The following RNF130 variants were observed in gnomAD, a reference collection of about 807,000 sequenced individuals.
RNF130 encodes ring finger protein 130.
A neutral mutation model predicts 44.6 loss-of-function variants in RNF130; 21 were observed. That is an observed-to-expected ratio of 0.47 (90% CI 0.33 to 0.68). The LOEUF (loss-of-function observed/expected upper bound fraction) is 0.68, where lower values mean the gene tolerates loss of function less well. Ranked by LOEUF, RNF130 falls within the 30% of genes least tolerant of loss-of-function variation. The pLI is 0.02. For synonymous variants in RNF130, 214 were observed against 210.4 expected (o/e 1.02, Z -0.15); for missense variants, 479 against 560.6 (o/e 0.85, Z 1.47).
chr5:180,034,895 C>T (rs1764212444), intron 2 of RNF130, among the ~76,000 whole-genome samples: 1 of 152,174 alleles, frequency 6.6e-6, no homozygotes, highest in African/African-American at 2.4e-5. Flanking sequence ...TCTGTAGAGT[C>T]AGTAGTGATG....
intron 2 of RNF130, among the ~76,000 whole-genome samples, chr5:180,032,322 T>C (rs1375630455): frequency 6.6e-6 from 1 of 152,212 alleles, no homozygotes; most frequent in Non-Finnish European, 1.5e-5. Context: ...TTTTGTCTAA[T>C]ATCCAAGTGA....
intron 7 of RNF130, among the ~76,000 whole-genome samples, chr5:179,934,604 T>C (rs1415855254): frequency 6.7e-6 from 1 of 149,896 alleles, no homozygotes; most frequent in East Asian, 2.0e-4. Context: ...TGGAGTACAG[T>C]GGCAAGATCA....
At chr5:180,016,267 T>C (rs542576463) in intron 2 of RNF130, among the ~76,000 whole-genome samples, 1 of 152,190 alleles carries the variant, frequency 6.6e-6, no homozygotes, top group African/African-American at 2.4e-5. Flanking sequence ...TAAAGCCTGA[T>C]AGGGCTCAAA....
At chr5:180,000,456 T>C (rs1034233442) in intron 3 of RNF130, among the ~76,000 whole-genome samples, 2 of 152,190 alleles carry the variant, frequency 1.3e-5, no homozygotes, top group African/African-American at 2.4e-5. Flanking sequence ...ACTTGGGAAG[T>C]TTTCAGATTT....
At chr5:179,934,098 G>A (rs1417263336) in intron 7 of RNF130, 1 of 245,160 alleles carries the variant, frequency 4.1e-6, no homozygotes. Context: ...ACCGGAAGAC[G>A]ACTTTGAAGC....
At chr5:179,945,079 C>T (rs1398333350) in intron 7 of RNF130, among the ~76,000 whole-genome samples, 1 of 152,130 alleles carries the variant, frequency 6.6e-6, no homozygotes, top group Non-Finnish European at 1.5e-5. Flanking sequence ...GAGTTCAAGA[C>T]CAGTTTGGCC....
chr5:180,011,320 A>G lies in RNF130; in HGVS notation c.693+1741T>C, dbSNP rs180900476. On this transcript the variant is annotated intron_variant, in intron 3 of 8. Transcript: ENST00000521389. Reference sequence around the variant, plus strand: ...AACCCAAAAAAGGTCTATCAATCAGATAATGTATTATATCAATGTTAATTT... The same window carrying G: ...AACCCAAAAAAGGTCTATCAATCAGGTAATGTATTATATCAATGTTAATTT... Among the ~76,000 whole-genome samples, 4 of 152,340 alleles carry G rather than the reference A, an allele frequency of 2.6e-5. No homozygotes were observed. In the East Asian group the frequency reaches 7.7e-4, roughly 29 times the overall value.
intron 3 of RNF130, among the ~76,000 whole-genome samples, chr5:179,990,068 C>T (rs1378058646): frequency 6.6e-6 from 1 of 151,848 alleles, no homozygotes; most frequent in African/African-American, 2.4e-5. Context: ...TGTGTGGAGA[C>T]GAGAGATTGC....
intron 8 of RNF130, among the ~76,000 whole-genome samples, chr5:179,961,906 T>C (rs1328757261): frequency 6.6e-6 from 1 of 152,176 alleles, no homozygotes; most frequent in Non-Finnish European, 1.5e-5. Context: ...TGGCTAACAT[T>C]TATTGAGCAC....
intron 8 of RNF130, among the ~76,000 whole-genome samples, chr5:179,958,036 C>A (rs557897664): frequency 1.3e-5 from 2 of 151,924 alleles, no homozygotes; most frequent in African/African-American, 4.8e-5. Flanking sequence ...CGCCACTACG[C>A]CCGGCTAATT....
chr5:180,059,926 G>C (rs192870538), intron 1 of RNF130, among the ~76,000 whole-genome samples: 1 of 152,256 alleles, frequency 6.6e-6, no homozygotes, highest in East Asian at 1.9e-4. Context: ...GGTTGCAGAT[G>C]AAACAAGGTT....
intron 3 of RNF130, among the ~76,000 whole-genome samples, chr5:179,982,951 C>A (rs1733483334): frequency 6.6e-6 from 1 of 152,086 alleles, no homozygotes; most frequent in Non-Finnish European, 1.5e-5. Flanking sequence ...TACTTATTGG[C>A]CATGTGTACA....
chr5:180,010,453 A>G (rs1417409931), intron 3 of RNF130, among the ~76,000 whole-genome samples: 2 of 151,888 alleles, frequency 1.3e-5, no homozygotes, highest in African/African-American at 2.4e-5. Context: ...TCTGCCTCCC[A>G]AGTTCAAGCA....
At chr5:179,945,469 A>T (rs1252738646) in intron 7 of RNF130, among the ~76,000 whole-genome samples, 1 of 152,184 alleles carries the variant, frequency 6.6e-6, no homozygotes, top group African/African-American at 2.4e-5. Flanking sequence ...TTGCTGAGCA[A>T]CACTAAACGC....
intron 2 of RNF130, among the ~76,000 whole-genome samples, chr5:180,033,932 A>C (rs1764191987): frequency 6.6e-6 from 1 of 152,204 alleles, no homozygotes; most frequent in Non-Finnish European, 1.5e-5. Flanking sequence ...AATGTTGAGT[A>C]AGTATAATGT....
At chr5:179,984,992 C>A (rs1310510614) in intron 3 of RNF130, among the ~76,000 whole-genome samples, 1 of 151,990 alleles carries the variant, frequency 6.6e-6, no homozygotes, top group Non-Finnish European at 1.5e-5. Flanking sequence ...GGGTACTCAA[C>A]CTATAGTTTG....
intron 1 of RNF130, among the ~76,000 whole-genome samples, chr5:180,044,842 A>T (rs1194488859): frequency 6.6e-6 from 1 of 150,770 alleles, no homozygotes; most frequent in Admixed American, 6.6e-5. Flanking sequence ...AAAAAAAAAA[A>T]ATAAAAGCCT....
At chr5:180,060,874 C>T (rs1042891943) in intron 1 of RNF130, among the ~76,000 whole-genome samples, 23 of 152,014 alleles carry the variant, frequency 1.5e-4, no homozygotes, top group Admixed American at 8.5e-4. Context: ...TCGAGACCAT[C>T]CTGGCTAACA....
At chr5:179,939,110 G>C (rs989161154) in intron 7 of RNF130, among the ~76,000 whole-genome samples, 22 of 152,114 alleles carry the variant, frequency 1.4e-4, no homozygotes, top group Non-Finnish European at 3.2e-4. Flanking sequence ...CCAGCTGCTT[G>C]GGGGGCTGAG....
Sources: gnomAD v4.1 joint callset for allele counts (sites outside exome capture counted in the v4.1 genomes callset) on GRCh38, gnomAD v4.1.1 for gene constraint, MANE v1.5 for transcripts, NCBI Gene and HGNC (gene_info 2026-07-23, HGNC 2026-07-21) for gene names.